The following EDIL3 variants were observed in gnomAD, a reference collection of about 807,000 sequenced individuals.
The protein encoded by EDIL3 is EGF-like repeat and discoidin I-like domain-containing protein 3.
A neutral mutation model predicts 67.4 loss-of-function variants in EDIL3; 37 were observed. The observed-to-expected ratio is 0.55, with a 90% CI of 0.42 to 0.72. The LOEUF (loss-of-function observed/expected upper bound fraction) is 0.72, where lower values mean the gene tolerates loss of function less well. Among genes scored for constraint, EDIL3 ranks in the 30% least tolerant of loss-of-function variants. The pLI is 0.00. For missense variants in EDIL3, 527 were observed against 586.3 expected (o/e 0.90, Z 1.04); for synonymous variants, 195 against 196.3 (o/e 0.99, Z 0.05).
chr5:84,309,313 G>GTTTTTTTTTTTTTTTTTTTTTTTCTTTT, intron 1 of EDIL3, among the ~76,000 whole-genome samples: 1 of 89,302 alleles, frequency 1.1e-5, no homozygotes, highest in Non-Finnish European at 2.5e-5. Context: ...TTTTTTCTTT[G>GTTTTTTTTTTTTTTTTTTTTTTTCTTTT]TTTTTTTTTT....
intron 5 of EDIL3, among the ~76,000 whole-genome samples, chr5:84,132,745 T>C (rs1048789276): frequency 2.7e-5 from 4 of 150,034 alleles, no homozygotes; most frequent in Admixed American, 2.0e-4. Context: ...CAAAATATAT[T>C]CATAGGTATT....
At chr5:84,164,765 T>G (rs994099197) in intron 4 of EDIL3, among the ~76,000 whole-genome samples, 3 of 152,100 alleles carry the variant, frequency 2.0e-5, no homozygotes, top group African/African-American at 7.2e-5. Flanking sequence ...AGGCAGAAAT[T>G]ATCTTTAAGC....
At chr5:84,286,579 G>T (rs983490288) in intron 1 of EDIL3, among the ~76,000 whole-genome samples, 2 of 151,936 alleles carry the variant, frequency 1.3e-5, no homozygotes, top group African/African-American at 2.4e-5. Flanking sequence ...TTAAACTTTC[G>T]CCAGGCTTTG....
chr5:84,331,611 C>A (rs551811869), intron 1 of EDIL3, among the ~76,000 whole-genome samples: 17 of 152,090 alleles, frequency 1.1e-4, no homozygotes, highest in Admixed American at 1.3e-4. Flanking sequence ...TGTGGAACTG[C>A]GAGTCAATTA....
intron 1 of EDIL3, among the ~76,000 whole-genome samples, chr5:84,284,694 C>T (rs1408577020): frequency 6.6e-6 from 1 of 151,958 alleles, no homozygotes; most frequent in Non-Finnish European, 1.5e-5. Flanking sequence ...TCTGTAAATC[C>T]TTTTGTCCTA....
chr5:84,381,546 A>G (rs553138982), intron 1 of EDIL3, among the ~76,000 whole-genome samples: 1 of 152,206 alleles, frequency 6.6e-6, no homozygotes, highest in Non-Finnish European at 1.5e-5. Flanking sequence ...ATCTGGAGTG[A>G]GACTGTTCAG....
chr5:84,019,398 TG>T (rs1391990571), intron 9 of EDIL3, among the ~76,000 whole-genome samples: 1 of 132,024 alleles, frequency 7.6e-6, no homozygotes, highest in Non-Finnish European at 1.6e-5. Flanking sequence ...TGTTGTGGGG[TG>T]GGGGGAGTGG....
At chr5:84,088,851 A>G (rs1747116609) in intron 6 of EDIL3, among the ~76,000 whole-genome samples, 1 of 152,186 alleles carries the variant, frequency 6.6e-6, no homozygotes, top group East Asian at 1.9e-4. Flanking sequence ...AGTTTTGGGA[A>G]AACAGCAGCA....
chr5:84,143,809 C>A (rs1193544676), intron 4 of EDIL3, among the ~76,000 whole-genome samples: 2 of 151,934 alleles, frequency 1.3e-5, no homozygotes, highest in Non-Finnish European at 2.9e-5. Context: ...AACATTTTCA[C>A]AAAAGAGCAA....
At position 84,050,033 on chromosome 5, in the gene EDIL3, A is replaced by G. The variant is rs1050727263; in HGVS notation, c.1137+10267T>C. On this transcript the variant is annotated intron_variant, in intron 9 of 10. Transcript: ENST00000296591. ...GCTAACACGGTGAAACCCCGTCTCT[A>G]CTAAAAATACAAAAATTAGCCGGGC... Among the ~76,000 whole-genome samples the G allele has an allele frequency of 4.4e-4, 67 of 151,992 alleles. 1 individual carries two copies. Among genetic ancestry groups the G allele is most frequent in the Middle Eastern group, 3.4e-3 (1 of 294 alleles).
intron 2 of EDIL3, among the ~76,000 whole-genome samples, chr5:84,245,026 T>A (rs1160604144): frequency 6.6e-6 from 1 of 152,232 alleles, no homozygotes; most frequent in Non-Finnish European, 1.5e-5. Flanking sequence ...GGATGGGGAC[T>A]GCTGCTGTAG....
At chr5:84,141,944 T>TATATATATATATATAC in intron 4 of EDIL3, among the ~76,000 whole-genome samples, 1 of 102,710 alleles carries the variant, frequency 9.7e-6, no homozygotes, top group African/African-American at 3.9e-5. Flanking sequence ...TATATATATA[T>TATATATATATATATAC]ATACATAGAT....
chr5:83,981,919 G>A (rs777091306), intron 9 of EDIL3, among the ~76,000 whole-genome samples: 1 of 151,700 alleles, frequency 6.6e-6, no homozygotes, highest in African/African-American at 2.4e-5. Flanking sequence ...GCTGCATCTG[G>A]CACAAAATAA....
intron 4 of EDIL3, among the ~76,000 whole-genome samples, chr5:84,158,888 G>A (rs185674980): frequency 1.0e-3 from 154 of 151,852 alleles, no homozygotes; most frequent in African/African-American, 3.4e-3. Flanking sequence ...TTCCATTCTC[G>A]GCATAAGGGA....
At chr5:84,282,793 G>C (rs921762301) in intron 1 of EDIL3, among the ~76,000 whole-genome samples, 1 of 152,030 alleles carries the variant, frequency 6.6e-6, no homozygotes, top group Non-Finnish European at 1.5e-5. Context: ...TCAATGCATT[G>C]TTTTAGCTTG....
chr5:84,303,920 C>A (rs1369536226), intron 1 of EDIL3, among the ~76,000 whole-genome samples: 1 of 150,762 alleles, frequency 6.6e-6, no homozygotes, highest in Non-Finnish European at 1.5e-5. Context: ...TAAAGTGGAT[C>A]ATGCTATATA....
intron 5 of EDIL3, among the ~76,000 whole-genome samples, chr5:84,126,660 T>G (rs1459787165): frequency 6.6e-6 from 1 of 152,140 alleles, no homozygotes; most frequent in East Asian, 1.9e-4. Context: ...GGTTGTTGCC[T>G]ATATTTGTAG....
At chr5:83,999,523 A>G (rs1351842231) in intron 9 of EDIL3, among the ~76,000 whole-genome samples, 1 of 152,122 alleles carries the variant, frequency 6.6e-6, no homozygotes, top group Non-Finnish European at 1.5e-5. Context: ...AGAGTTTTTT[A>G]GCAGCAGAAT....
chr5:84,190,569 GTGTGTGTGTGTATATA>G (rs1471929284), intron 3 of EDIL3, among the ~76,000 whole-genome samples: 1 of 62,270 alleles, frequency 1.6e-5, no homozygotes, highest in Non-Finnish European at 3.3e-5. Context: ...GTGTGTGTGT[GTGTGTGTGTGTATATA>G]TATATATATA....
Sources: allele counts gnomAD v4.1 joint callset (sites outside exome capture counted in the v4.1 genomes callset), GRCh38; gene constraint gnomAD v4.1.1; transcripts MANE v1.5; gene names NCBI Gene and HGNC (gene_info 2026-07-23, HGNC 2026-07-21).